Variants in TAF1D observed in about 807,000 individuals in gnomAD.
TAF1D encodes TATA box-binding protein-associated factor RNA polymerase I subunit D.
Under a neutral mutation model 26.2 loss-of-function variants are expected in TAF1D, and 23 were observed. That is an observed-to-expected ratio of 0.88 (90% CI 0.63 to 1.25). TAF1D has a LOEUF of 1.25. TAF1D is among the 50% of genes most tolerant of loss of function. The probability of loss-of-function intolerance (pLI) is 0.00; values close to 1 mark genes in which losing one functional copy is unlikely to be tolerated. For missense variants in TAF1D, 299 were observed against 322.0 expected (o/e 0.93, Z 0.55); for synonymous variants, 100 against 105.6 (o/e 0.95, Z 0.33).
intron 2 of TAF1D, chr11:93,738,900 G>GAGCTCCA (rs1240515304): frequency 3.0e-6 from 1 of 331,974 alleles, no homozygotes; most frequent in African/African-American, 2.1e-5. Flanking sequence ...GACAATGTAT[G>GAGCTCCA]AGCTCCAAAA....
In TAF1D at chr11:93,735,793, C is replaced by T; in HGVS notation, c.*368G>A. On this transcript the variant is annotated 3_prime_UTR_variant, in exon 6 of 6. Coordinates refer to ENST00000448108, the MANE Select transcript of TAF1D (RefSeq NM_024116.4). Reference sequence around the variant, plus strand: ...GGGATAAAATTACAGCATTTCAAATCCCCTCTTCAAGATGGTTGGGTGTCA... The same window carrying T: ...GGGATAAAATTACAGCATTTCAAATTCCCTCTTCAAGATGGTTGGGTGTCA... The T allele has an allele frequency of 1.9e-6, 2 of 1,053,196 alleles. No individual in the cohort carries two copies. Among genetic ancestry groups the T allele is most frequent in the Non-Finnish European group, 2.3e-6 (2 of 872,566 alleles). 65.2% of individuals were successfully genotyped at this position (1,053,196 alleles called of 1,614,324 possible). A position where few individuals can be genotyped will look rare whatever the true frequency, so the allele number is the denominator to read the frequency against.
chr11:93,730,353 G>A (rs555704606), exon 12 of TAF1D: 19 of 1,051,634 alleles, frequency 1.8e-5, no homozygotes, highest in South Asian at 1.7e-4. Flanking sequence ...ATTGTTATTC[G>A]AGGAATTCCA....
In TAF1D at chr11:93,739,280, G is replaced by C. The variant is rs748704210; in HGVS notation, c.25C>G (p.Leu9Val). Residue 9 changes from leucine (L) to valine (V), a missense_variant, in exon 2 of 6, where the codon CTT becomes GTT. Coordinates refer to ENST00000448108, the MANE Select transcript of TAF1D (RefSeq NM_024116.4). Reference sequence around the variant, plus strand: ...ACAGCATCAGATGTCACATGGTCAAGAGAATCTATTCCTGATTTATCCATC... The same window carrying C: ...ACAGCATCAGATGTCACATGGTCAACAGAATCTATTCCTGATTTATCCATC... MDKSGIDS[L>V]DHVTSDAVEL... 8 of 1,612,238 alleles carry C rather than the reference G, an allele frequency of 5.0e-6. No homozygotes were observed. The highest frequency in any genetic ancestry group is 1.7e-5 in the Admixed American group (1 of 59,522).
rs1261066045 is a variant in TAF1D at position 93,741,393 on chromosome 11, G to C, written c.-99C>G. 1.7e-5 allele frequency: 6 copies of C among 342,948 alleles called. No individual in the cohort carries two copies. Among genetic ancestry groups the C allele is most frequent in the Non-Finnish European group, 3.5e-5 (6 of 170,886 alleles). The allele number at this position is 342,948 out of a possible 1,614,324, so 21.2% of individuals were successfully genotyped here. ...ACCCAGGCCTCGGCCCAAAACCCGC[G>C]ACTGGCCTGGTGTCCTAGAGCTCTG... is the stretch of plus-strand genomic sequence containing the variant. On this transcript the variant is annotated 5_prime_UTR_variant, in exon 1 of 6. Coordinates refer to ENST00000448108, the MANE Select transcript of TAF1D (RefSeq NM_024116.4).
downstream of TAF1D, chr11:93,735,469 G>T: frequency 2.2e-6 from 1 of 464,262 alleles, no homozygotes; most frequent in South Asian, 6.6e-5. Flanking sequence ...GATCGCCTGA[G>T]GTCAGGAGTT....
Position 93,738,414 on chromosome 11 carries a change from A to G in TAF1D, c.154T>C (p.Phe52Leu). The G allele has an allele frequency of 6.2e-7, 1 of 1,612,960 alleles. No individual in the cohort carries two copies. The highest frequency in any genetic ancestry group is 1.3e-5 in the African/African-American group (1 of 74,960). Residue 52 changes from phenylalanine (F) to leucine (L), a missense_variant, in exon 3 of 6, where the codon TTT (phenylalanine) becomes CTT (leucine). Transcript: ENST00000448108. The part of the protein sequence containing the change: ...KGEKRNPIRK[F>L]VRTPESVHAS... ...TGAACACTTTCAGGTGTACGAACAA[A>G]TTTTCGAATGGGGTTTCTTTTCTCC...
At chr11:93,730,587 T>C (rs1231881823), downstream of TAF1D, 1 of 597,778 alleles carries the variant, frequency 1.7e-6, no homozygotes, top group African/African-American at 1.8e-5. Flanking sequence ...CTTCCATCTT[T>C]GGTCACAGCG....
intron 1 of TAF1D, among the ~76,000 whole-genome samples, 191 bp from the exon 2 acceptor site, chr11:93,739,522 G>T (rs1021716750): frequency 2.6e-5 from 4 of 152,112 alleles, no homozygotes; most frequent in African/African-American, 9.7e-5. Context: ...GGTTCTTTCA[G>T]TTGTTACCCT....
At chr11:93,732,814 A>G (rs1323284995), downstream of TAF1D, 3 of 235,404 alleles carry the variant, frequency 1.3e-5, no homozygotes, top group Non-Finnish European at 1.7e-5. Flanking sequence ...TCATATCCCT[A>G]TTGATTCAAC....
intron 3 of TAF1D, among the ~76,000 whole-genome samples, chr11:93,737,722 C>T (rs1941087820): frequency 6.6e-6 from 1 of 152,040 alleles, no homozygotes; most frequent in Admixed American, 6.6e-5. Context: ...ACATCTAGGC[C>T]TTAAGAATAT....
chr11:93,737,188 G>A lies in TAF1D; in HGVS notation c.511C>T (p.His171Tyr), dbSNP rs533678426. The A allele has an allele frequency of 1.6e-5, 26 of 1,609,922 alleles. No homozygotes were observed. In the African/African-American group the frequency reaches 2.1e-4, roughly 13 times the overall value. ...FNYIEKLKYE[H>Y]HLKESLKQMN... ...TGCTTCAATGATTCTTTCAGGTGGT[G>A]TTCATACTTCAGTTTTTCAATATAG... The change falls in exon 4 of 6, where the codon CAC becomes TAC. Residue 171 changes from histidine (H) to tyrosine (Y), a missense_variant. Physicochemically the swap from His to Tyr is moderately conservative, Grantham distance 83. Transcript: ENST00000448108.
chr11:93,738,390 G>A lies in TAF1D; in HGVS notation c.178C>T (p.His60Tyr). 6.2e-7 allele frequency: 1 copy of A among 1,613,918 alleles called. No homozygotes were observed. Among genetic ancestry groups the A allele is most frequent in the Non-Finnish European group, 8.5e-7 (1 of 1,179,980 alleles). ...GAGTCACTTGATGAATCACTTGCGT[G>A]AACACTTTCAGGTGTACGAACAAAT... ...RKFVRTPESV[H>Y]ASDSSSDSSF... is the part of the protein sequence containing the mutation. The change falls in exon 3 of 6, where the codon CAC (histidine) becomes TAC (tyrosine). Residue 60 changes from histidine (H) to tyrosine (Y), a missense_variant. Physicochemically the swap from His to Tyr is moderately conservative, Grantham distance 83 (BLOSUM62 2). Transcript: ENST00000448108.
At chr11:93,730,238 T>A (rs780212395) in exon 12 of TAF1D, 1 of 1,551,118 alleles carries the variant, frequency 6.4e-7, no homozygotes, top group South Asian at 1.2e-5. Context: ...CAGAAAACAC[T>A]AGAGAAACTT....
At chr11:93,737,278 T>G (rs765145100) in intron 3 of TAF1D, 39 bp from the exon 4 acceptor site, 1 of 1,462,922 alleles carries the variant, frequency 6.8e-7, no homozygotes, top group Non-Finnish European at 9.2e-7. Flanking sequence ...CGAGATTTTA[T>G]TTTTAAGACC....
chr11:93,736,953 A>G, intron 4 of TAF1D, 111 bp downstream of exon 4: 3 of 1,125,302 alleles, frequency 2.7e-6, no homozygotes, highest in Non-Finnish European at 3.7e-6. Flanking sequence ...CATACTCTGT[A>G]TCTTTGTTCA....
chr11:93,739,208 A>C, intron 2 of TAF1D, 29 bp downstream of exon 2: 3 of 1,529,922 alleles, frequency 2.0e-6, no homozygotes, highest in Non-Finnish European at 2.7e-6. Flanking sequence ...CATAATTCAG[A>C]TACAATAAAC....
chr11:93,734,913 G>A (rs1416810115), downstream of TAF1D: 19 of 781,012 alleles, frequency 2.4e-5, no homozygotes, highest in Admixed American at 3.7e-5. Context: ...ACAGGCACAT[G>A]CCCCAGTACC....
At chr11:93,739,556 A>T (rs1345999677) in intron 1 of TAF1D, among the ~76,000 whole-genome samples, 3 of 152,250 alleles carry the variant, frequency 2.0e-5, no homozygotes, top group South Asian at 2.1e-4. Flanking sequence ...ACGCAACAAG[A>T]TTCCAAAAAA....
At position 93,736,161 on chromosome 11, in the gene TAF1D, T is replaced by G; in HGVS notation, c.837A>C (p.Ter279CysextTer8). The G allele has an allele frequency of 6.2e-7, 1 of 1,613,538 alleles. No homozygotes were observed. Among genetic ancestry groups the G allele is most frequent in the Non-Finnish European group, 8.5e-7 (1 of 1,179,794 alleles). Reference sequence around the variant, plus strand: ...TTCACCTTTGACATTCATGATCCTGTCACATTTTCAGGCCTCTCTGTCCAG... The same window carrying G: ...TTCACCTTTGACATTCATGATCCTGGCACATTTTCAGGCCTCTCTGTCCAG... ...KNTGQRGLKM* is the reference protein window; with the variant it reads ...KNTGQRGLKMC The change falls in exon 6 of 6, where the codon TGA (stop) becomes TGC (cysteine). Residue 279 changes from the stop codon to cysteine (C), a stop_lost. Transcript: ENST00000448108.
Sources: allele counts gnomAD v4.1 joint callset (sites outside exome capture counted in the v4.1 genomes callset), GRCh38; gene constraint gnomAD v4.1.1; transcripts MANE v1.5; gene names NCBI Gene and HGNC (gene_info 2026-07-23, HGNC 2026-07-21).